The following RIN3 variants were observed in gnomAD, a reference collection of about 807,000 sequenced individuals.
The protein encoded by RIN3 is Ras and Rab interactor 3.
In RIN3, 54 loss-of-function variants were observed where a neutral mutation model predicts 76.3. The ratio of observed to expected loss-of-function variants is 0.71; its 90% confidence interval spans 0.57 to 0.89. RIN3 has a LOEUF of 0.89. Among genes scored for constraint, RIN3 ranks in the 40% least tolerant of loss-of-function variants. RIN3 has a pLI of 0.00. For missense variants in RIN3, 1,256 were observed against 1,322.1 expected, an observed-to-expected ratio of 0.95 and a Z score of 0.78; for synonymous variants, 576 against 564.0, an observed-to-expected ratio of 1.02 and a Z score of -0.30.
chr14:92,607,576 T>C (rs2140095344), intron 3 of RIN3, among the ~76,000 whole-genome samples: 1 of 152,308 alleles, frequency 6.6e-6, no homozygotes, highest in Middle Eastern at 3.4e-3. Flanking sequence ...ACTACTGCAC[T>C]CCAGCCTGGG....
chr14:92,575,989 C>T, intron 2 of RIN3, among the ~76,000 whole-genome samples: 1 of 152,160 alleles, frequency 6.6e-6, no homozygotes, highest in South Asian at 2.1e-4. Flanking sequence ...GCAACCTTGG[C>T]CAGACACCTA....
chr14:92,538,932 A>G (rs1897070793), intron 1 of RIN3, among the ~76,000 whole-genome samples: 1 of 151,916 alleles, frequency 6.6e-6, no homozygotes, highest in Non-Finnish European at 1.5e-5. Flanking sequence ...GCTCCCCTGT[A>G]CAGGGGAGGA....
intron 4 of RIN3, among the ~76,000 whole-genome samples, chr14:92,637,363 G>A (rs1319514050): frequency 6.6e-6 from 1 of 152,110 alleles, no homozygotes. Flanking sequence ...ATGGAACGCT[G>A]CTGCTGATCT....
chr14:92,655,334 C>T (rs1045858360), intron 6 of RIN3, among the ~76,000 whole-genome samples: 2 of 151,866 alleles, frequency 1.3e-5, no homozygotes, highest in African/African-American at 2.4e-5. Flanking sequence ...GGCAACAGAG[C>T]GAGACTCTGT....
intron 7 of RIN3, among the ~76,000 whole-genome samples, chr14:92,674,326 T>C (rs868306754): frequency 4.6e-5 from 7 of 152,186 alleles, no homozygotes; most frequent in African/African-American, 1.7e-4. Context: ...TGAAGTCTTT[T>C]ATTCAGGCAG....
intron 3 of RIN3, among the ~76,000 whole-genome samples, chr14:92,585,146 G>A (rs1884723350): frequency 6.6e-6 from 1 of 152,030 alleles, no homozygotes; most frequent in Non-Finnish European, 1.5e-5. Context: ...CCAAGTAGCT[G>A]GGATGACAGG....
chr14:92,588,896 C>T (rs947839405), intron 3 of RIN3, among the ~76,000 whole-genome samples: 5 of 152,184 alleles, frequency 3.3e-5, no homozygotes, highest in Non-Finnish European at 5.9e-5. Context: ...TAAAAGCTCT[C>T]GTATTGGTGT....
intron 3 of RIN3, among the ~76,000 whole-genome samples, chr14:92,609,551 G>C (rs1341017471): frequency 6.6e-6 from 1 of 152,228 alleles, no homozygotes; most frequent in Non-Finnish European, 1.5e-5. Flanking sequence ...GGGAGGAGTA[G>C]GCTGGCCGGC....
In RIN3 at chr14:92,610,512, C is replaced by G. The variant is rs150513354; in HGVS notation, c.368-4895C>G. Among the ~76,000 whole-genome samples the G allele has an allele frequency of 3.5e-3, 536 of 152,294 alleles. 14 individuals are homozygous for G. In the South Asian group the frequency reaches 0.051, roughly 15 times the overall value. ...CAGGGAAAAGTGAGACCTGCTCCTG[C>G]CCCGGCTGTAGTCCAACAGCCCCTG... On this transcript the variant is annotated intron_variant, in intron 3 of 9. Transcript: ENST00000216487.
At chr14:92,598,925 G>T (rs1885245620) in intron 3 of RIN3, among the ~76,000 whole-genome samples, 1 of 152,170 alleles carries the variant, frequency 6.6e-6, no homozygotes, top group African/African-American at 2.4e-5. Context: ...CAACTCTGAG[G>T]GGTGAGGACA....
At chr14:92,613,561 C>T (rs532112525) in intron 3 of RIN3, among the ~76,000 whole-genome samples, 29 of 152,246 alleles carry the variant, frequency 1.9e-4, no homozygotes, top group African/African-American at 5.8e-4. Flanking sequence ...TGTTGGTTCG[C>T]GTATCACTAT....
At chr14:92,564,998 T>G (rs1252369570) in intron 2 of RIN3, among the ~76,000 whole-genome samples, 6 of 152,152 alleles carry the variant, frequency 3.9e-5, no homozygotes, top group African/African-American at 1.2e-4. Flanking sequence ...GAATGTGAAC[T>G]GTTCTGTTTG....
chr14:92,633,153 CA>C (rs921176709), intron 4 of RIN3, among the ~76,000 whole-genome samples: 2 of 152,112 alleles, frequency 1.3e-5, no homozygotes, highest in South Asian at 2.1e-4. Flanking sequence ...AGGGAGGGAG[CA>C]GGGGGAGACT....
intron 8 of RIN3, among the ~76,000 whole-genome samples, chr14:92,680,536 A>G (rs1888626703): frequency 6.6e-6 from 1 of 152,138 alleles, no homozygotes; most frequent in African/African-American, 2.4e-5. Context: ...CCCATTTATG[A>G]GGGCTCCACC....
In RIN3 at chr14:92,641,317, A is replaced by C; in HGVS notation, c.520A>C (p.Asn174His). 6.2e-7 allele frequency: 1 copy of C among 1,613,742 alleles called. No homozygotes were observed. Among genetic ancestry groups the C allele is most frequent in the Non-Finnish European group, 8.5e-7 (1 of 1,179,670 alleles). ...SSFTDLETIANLGLGFWDSSL... is the reference protein window; with the variant it reads ...SSFTDLETIAHLGLGFWDSSL... ...CTTCACGGACCTTGAGACCATCGCCAACCTGGGTCTGGGTGAGTCTTCTCC... is the reference window on the plus strand; with the variant it reads ...CTTCACGGACCTTGAGACCATCGCCCACCTGGGTCTGGGTGAGTCTTCTCC... Residue 174 changes from asparagine (N) to histidine (H), a missense_variant, in exon 5 of 10, where the codon AAC (asparagine) becomes CAC (histidine). Physicochemically the swap from Asn to His is moderately conservative, Grantham distance 68 (BLOSUM62 1). Around this residue, in one of 3 missense-constraint regions of RIN3, gnomAD observed 610 missense variants for 626.4 expected, o/e 0.97. Coordinates refer to ENST00000216487, the MANE Select transcript of RIN3 (RefSeq NM_024832.5).
At chr14:92,535,040 C>A (rs1212611224) in intron 1 of RIN3, among the ~76,000 whole-genome samples, 1 of 152,184 alleles carries the variant, frequency 6.6e-6, no homozygotes, top group Admixed American at 6.5e-5. Flanking sequence ...CCTCCCCAGG[C>A]CTTGGTAGTG....
chr14:92,529,077 C>T (rs929521222), intron 1 of RIN3, among the ~76,000 whole-genome samples: 15 of 152,038 alleles, frequency 9.9e-5, no homozygotes, highest in African/African-American at 3.1e-4. Flanking sequence ...GAATCCAGGC[C>T]GGCTGGTGGA....
chr14:92,686,808 C>G (rs1225207007), intron 9 of RIN3: 2 of 152,960 alleles, frequency 1.3e-5, no homozygotes, highest in Non-Finnish European at 2.9e-5. Flanking sequence ...GAGGGGAAGC[C>G]CAGAGCTGGA....
chr14:92,679,155 C>T (rs12878481), intron 8 of RIN3, among the ~76,000 whole-genome samples: 43,571 of 152,130 alleles, frequency 0.29, 7,084 homozygotes, highest in Non-Finnish European at 0.36. Flanking sequence ...TTCATAACGG[C>T]GCTAAACAGT....
Sources: gnomAD v4.1 joint callset for allele counts (sites outside exome capture counted in the v4.1 genomes callset) on GRCh38, gnomAD v4.1.1 for gene constraint, gnomAD v4.1.1 regional missense constraint, MANE v1.5 for transcripts, NCBI Gene and HGNC (gene_info 2026-07-23, HGNC 2026-07-21) for gene names.